The following NAALADL2 variants were observed in gnomAD, a reference collection of about 807,000 sequenced individuals.
NAALADL2 encodes N-acetylated alpha-linked acidic dipeptidase like 2, also known as inactive N-acetylated-alpha-linked acidic dipeptidase-like protein 2.
A neutral mutation model predicts 87.2 loss-of-function variants in NAALADL2; 76 were observed. The observed-to-expected ratio is 0.87, with a 90% confidence interval of 0.72 to 1.05. NAALADL2 has a LOEUF of 1.05. Ranked by LOEUF, NAALADL2 falls within the 50% of genes least tolerant of loss-of-function variation. The pLI is 0.00. For synonymous variants in NAALADL2, 354 were observed against 331.0 expected (o/e 1.07, Z -0.75); for missense variants, 1,089 against 945.8 (o/e 1.15, Z -1.99).
At chr3:175,756,281 A>G (rs1334132585) in intron 13 of NAALADL2, among the ~76,000 whole-genome samples, 6 of 152,144 alleles carry the variant, frequency 3.9e-5, no homozygotes, top group African/African-American at 1.4e-4. Context: ...TCAAACAACT[A>G]AAAATAGAAT....
intron 1 of NAALADL2, among the ~76,000 whole-genome samples, chr3:174,928,921 G>GATA (rs1227216951): frequency 6.6e-6 from 1 of 152,128 alleles, no homozygotes; most frequent in Non-Finnish European, 1.5e-5. Context: ...GAAACTCTTA[G>GATA]AGTCACTTGC....
At chr3:175,151,384 CAG>C (rs1319754157) in intron 2 of NAALADL2, among the ~76,000 whole-genome samples, 3 of 152,170 alleles carry the variant, frequency 2.0e-5, no homozygotes, top group African/African-American at 7.2e-5. Flanking sequence ...GCTGTCTGCT[CAG>C]ATTACATTCA....
chr3:174,554,564 T>TA (rs1248560159), intron 2 of NAALADL2, among the ~76,000 whole-genome samples: 2 of 151,862 alleles, frequency 1.3e-5, no homozygotes, highest in East Asian at 1.9e-4. Context: ...TGACAGTTTT[T>TA]AAAAAAAATC....
At chr3:174,801,562 A>G (rs1247058676) in intron 3 of NAALADL2, among the ~76,000 whole-genome samples, 2 of 152,170 alleles carry the variant, frequency 1.3e-5, no homozygotes, top group African/African-American at 4.8e-5. Context: ...ATCTTGGAGA[A>G]AAGCATTTGG....
At chr3:175,015,115 T>C (rs1484362999) in intron 1 of NAALADL2, among the ~76,000 whole-genome samples, 3 of 152,024 alleles carry the variant, frequency 2.0e-5, no homozygotes, top group Non-Finnish European at 2.9e-5. Context: ...AGGTCATAAC[T>C]TGGCAAAAAG....
chr3:175,344,067 A>T (rs1178453746), intron 5 of NAALADL2, among the ~76,000 whole-genome samples: 1 of 151,970 alleles, frequency 6.6e-6, no homozygotes, highest in Non-Finnish European at 1.5e-5. Flanking sequence ...GCAATCTGTT[A>T]TTTTTTCTGC....
At chr3:174,669,813 G>A (rs1255228054) in intron 2 of NAALADL2, among the ~76,000 whole-genome samples, 2 of 151,920 alleles carry the variant, frequency 1.3e-5, no homozygotes, top group Non-Finnish European at 2.9e-5. Flanking sequence ...AATTGAATCT[G>A]TAGGTAGCTT....
intron 2 of NAALADL2, among the ~76,000 whole-genome samples, chr3:175,148,461 A>C (rs1731096058): frequency 2.6e-5 from 4 of 151,828 alleles, no homozygotes; most frequent in Admixed American, 2.0e-4. Context: ...CAATTTTCTC[A>C]ATTTTTGTTT....
chr3:175,390,453 G>A (rs528593142), intron 5 of NAALADL2, among the ~76,000 whole-genome samples: 14 of 152,264 alleles, frequency 9.2e-5, no homozygotes, highest in African/African-American at 2.2e-4. Flanking sequence ...TGAAACTACC[G>A]TGTACATAAT....
At chr3:175,667,267 A>G in intron 11 of NAALADL2, among the ~76,000 whole-genome samples, 2 of 146,030 alleles carry the variant, frequency 1.4e-5, no homozygotes, top group Non-Finnish European at 1.5e-5. Context: ...GAAAGAAAGG[A>G]AGGAAGGGAT....
intron 2 of NAALADL2, among the ~76,000 whole-genome samples, chr3:174,637,338 T>C (rs1348063567): frequency 2.0e-5 from 3 of 152,072 alleles, no homozygotes; most frequent in African/African-American, 7.2e-5. Context: ...TTAAATGTTC[T>C]CATCACATAT....
intron 5 of NAALADL2, among the ~76,000 whole-genome samples, chr3:175,376,266 A>ATT (rs1056724827): frequency 3.2e-4 from 49 of 152,138 alleles, no homozygotes; most frequent in African/African-American, 1.2e-3. Flanking sequence ...TAAAGAACTT[A>ATT]TTTTAACATG....
At chr3:174,677,955 G>A (rs1240991218) in intron 2 of NAALADL2, among the ~76,000 whole-genome samples, 1 of 151,962 alleles carries the variant, frequency 6.6e-6, no homozygotes, top group Non-Finnish European at 1.5e-5. Context: ...TAATATGAGA[G>A]CTGAACTAAG....
intron 1 of NAALADL2, among the ~76,000 whole-genome samples, chr3:174,875,484 G>C (rs960362753): frequency 6.6e-6 from 1 of 152,066 alleles, no homozygotes; most frequent in Non-Finnish European, 1.5e-5. Flanking sequence ...TTTTTTAAGA[G>C]ACAGAGTTCA....
intron 10 of NAALADL2, among the ~76,000 whole-genome samples, chr3:175,625,233 A>G (rs1205945739): frequency 6.6e-6 from 1 of 152,004 alleles, no homozygotes; most frequent in Non-Finnish European, 1.5e-5. Flanking sequence ...TTTAAACTCC[A>G]CATAACCTCA....
At chr3:174,854,827 T>G (rs554208887), upstream of NAALADL2, among the ~76,000 whole-genome samples, 1 of 141,182 alleles carries the variant, frequency 7.1e-6, no homozygotes, top group South Asian at 2.2e-4. Context: ...TGTGCTTTGC[T>G]TTTTTTTCTT....
intron 1 of NAALADL2, among the ~76,000 whole-genome samples, chr3:175,013,023 AAT>A (rs1302758183): frequency 1.5e-4 from 20 of 131,804 alleles, no homozygotes; most frequent in African/African-American, 4.8e-4. Flanking sequence ...ATAATATATA[AAT>A]ATATATAAAT....
intron 9 of NAALADL2, among the ~76,000 whole-genome samples, chr3:175,529,567 C>A (rs1339578154): frequency 6.6e-6 from 1 of 152,102 alleles, no homozygotes; most frequent in African/African-American, 2.4e-5. Flanking sequence ...TTTGCCCTAG[C>A]CTACAAAGTA....
intron 3 of NAALADL2, among the ~76,000 whole-genome samples, chr3:174,829,090 GT>G (rs201968760): frequency 6.2e-5 from 9 of 146,312 alleles, no homozygotes; most frequent in African/African-American, 1.7e-4. Context: ...TATTACATCT[GT>G]TTTTTTTTGT....
Sources: allele counts gnomAD v4.1 joint callset (sites outside exome capture counted in the v4.1 genomes callset), GRCh38; gene constraint gnomAD v4.1.1; transcripts MANE v1.5; gene names NCBI Gene and HGNC (gene_info 2026-07-23, HGNC 2026-07-21).